RALYL: variants seen among roughly 807,000 people sequenced by gnomAD.
The protein encoded by RALYL is RALY RNA binding protein like.
RALYL carries 29 observed loss-of-function variants against 35.1 expected under a neutral mutation model. That is an observed-to-expected ratio of 0.83 (90% CI 0.61 to 1.13). The LOEUF (loss-of-function observed/expected upper bound fraction) is 1.13, where lower values mean the gene tolerates loss of function less well. Ranked by LOEUF, RALYL falls within the 50% of genes most tolerant of loss-of-function variation. The pLI is 0.00. For missense variants in RALYL, 359 were observed against 360.4 expected, an observed-to-expected ratio of 1.00 and a Z score of 0.03; for synonymous variants, 120 against 127.6, an observed-to-expected ratio of 0.94 and a Z score of 0.40.
intron 1 of RALYL, among the ~76,000 whole-genome samples, chr8:84,527,842 C>T (rs1378543793): frequency 1.3e-5 from 2 of 151,992 alleles, no homozygotes; most frequent in African/African-American, 2.4e-5. Flanking sequence ...ATGTAAATAA[C>T]TGAATGTATT....
intron 2 of RALYL, among the ~76,000 whole-genome samples, chr8:84,656,599 C>T (rs992357616): frequency 4.6e-5 from 7 of 152,004 alleles, no homozygotes; most frequent in Admixed American, 1.3e-4. Context: ...GTGTTAAGTG[C>T]CTTTATTTGT....
chr8:84,524,402 T>A (rs568052827), intron 1 of RALYL, among the ~76,000 whole-genome samples: 153 of 152,288 alleles, frequency 1.0e-3, no homozygotes, highest in African/African-American at 3.3e-3. Flanking sequence ...CACAAAGAGA[T>A]ACCATCTCAC....
intron 1 of RALYL, among the ~76,000 whole-genome samples, chr8:84,434,178 T>C (rs2047453085): frequency 6.6e-6 from 1 of 152,188 alleles, no homozygotes; most frequent in South Asian, 2.1e-4. Context: ...TCACATGGCC[T>C]TCCCTTTGTG....
At chr8:84,556,671 C>G (rs1302823595) in intron 2 of RALYL, among the ~76,000 whole-genome samples, 1 of 152,124 alleles carries the variant, frequency 6.6e-6, no homozygotes, top group East Asian at 1.9e-4. Context: ...ATGAAACTTG[C>G]TTTGGCTAAT....
rs774238460 is a variant in RALYL, at chr8:84,873,279, TC to T, written c.572-3del. 50 of 1,510,012 alleles carry T rather than the reference TC, an allele frequency of 3.3e-5. 1 individual carries two copies. In the South Asian group the frequency reaches 3.9e-4, roughly 12 times the overall value. The allele number at this position is 1,510,012 out of a possible 1,614,324, so 93.5% of individuals were successfully genotyped here. ...GTTGTTTTCTTCCTTCTTTCTACTT[TC>T]CAGTGAAATCAGATGAGTTACAGAC... is the stretch of plus-strand genomic sequence containing the variant. On this transcript the variant is annotated splice_region_variant and splice_polypyrimidine_tract_variant and intron_variant, in intron 6 of 8. Transcript: ENST00000521268.
intron 2 of RALYL, among the ~76,000 whole-genome samples, chr8:84,549,124 TA>T (rs2060551367): frequency 6.6e-6 from 1 of 151,980 alleles, no homozygotes; most frequent in African/African-American, 2.4e-5. Flanking sequence ...CAGATACAGC[TA>T]TGCTATGTAG....
intron 2 of RALYL, among the ~76,000 whole-genome samples, chr8:84,588,478 T>C (rs991298424): frequency 9.9e-5 from 15 of 152,212 alleles, no homozygotes; most frequent in African/African-American, 3.6e-4. Context: ...GTACTATTTA[T>C]GTGAGGTGTG....
intron 3 of RALYL, among the ~76,000 whole-genome samples, chr8:84,780,951 C>T (rs1818010134): frequency 6.6e-6 from 1 of 152,148 alleles, no homozygotes; most frequent in African/African-American, 2.4e-5. Context: ...CTCCGCCTCC[C>T]AGGTTCGAGT....
intron 1 of RALYL, among the ~76,000 whole-genome samples, chr8:84,463,317 C>T (rs775467262): frequency 1.3e-4 from 20 of 152,052 alleles, no homozygotes; most frequent in Non-Finnish European, 2.4e-4. Context: ...CTGTATTAAG[C>T]TTTAAATCAC....
intron 1 of RALYL, among the ~76,000 whole-genome samples, chr8:84,231,613 T>G (rs1318007413): frequency 6.6e-6 from 1 of 152,156 alleles, no homozygotes; most frequent in Non-Finnish European, 1.5e-5. Context: ...ACTTTTTCTG[T>G]TTTTAAAACA....
chr8:84,764,024 A>G (rs1281964530), intron 2 of RALYL, among the ~76,000 whole-genome samples: 2 of 152,202 alleles, frequency 1.3e-5, no homozygotes, highest in African/African-American at 2.4e-5. Flanking sequence ...ACAGATCTCT[A>G]TGACTCAACT....
rs751290099 is a variant in RALYL at position 84,529,591 on chromosome 8, A to T, written c.256+14A>T. ...GCCAACCACTTGGTAAGTCATGCTC[A>T]GACATGGATCTCACGTTATTGTTCA... is the stretch of plus-strand genomic sequence containing the variant. On this transcript the variant is annotated intron_variant, in intron 2 of 8. Transcript: ENST00000521268. The T allele has an allele frequency of 6.2e-7, 1 of 1,600,006 alleles. No homozygotes were observed. Among genetic ancestry groups the T allele is most frequent in the East Asian group, 2.2e-5 (1 of 44,526 alleles).
chr8:84,810,591 G>A (rs1015571793), intron 4 of RALYL, among the ~76,000 whole-genome samples: 2 of 152,106 alleles, frequency 1.3e-5, no homozygotes, highest in African/African-American at 4.8e-5. Flanking sequence ...GAGTATTGAA[G>A]TTCCCCACTA....
chr8:84,667,197 T>C (rs1229928094), intron 2 of RALYL, among the ~76,000 whole-genome samples: 3 of 152,054 alleles, frequency 2.0e-5, no homozygotes, highest in Admixed American at 2.0e-4. Flanking sequence ...TCTCCTTGCC[T>C]CTTGTATTTC....
intron 1 of RALYL, among the ~76,000 whole-genome samples, chr8:84,403,930 T>G (rs1306643377): frequency 1.3e-5 from 2 of 152,154 alleles, no homozygotes; most frequent in Non-Finnish European, 2.9e-5. Flanking sequence ...TATTTTATTC[T>G]CTTTGTAGCA....
chr8:84,513,556 A>C (rs916485025), intron 1 of RALYL, among the ~76,000 whole-genome samples: 17 of 152,194 alleles, frequency 1.1e-4, no homozygotes, highest in African/African-American at 4.1e-4. Context: ...CACCTTGATT[A>C]AGGACTCCAA....
intron 2 of RALYL, among the ~76,000 whole-genome samples, chr8:84,590,084 T>G (rs1812901613): frequency 6.6e-6 from 1 of 152,210 alleles, no homozygotes; most frequent in South Asian, 2.1e-4. Context: ...ATCTTCCTAA[T>G]TCATTTCTTT....
intron 4 of RALYL, among the ~76,000 whole-genome samples, chr8:84,809,283 T>G (rs1304659253): frequency 6.6e-6 from 1 of 152,220 alleles, no homozygotes; most frequent in Non-Finnish European, 1.5e-5. Context: ...GTATATCACA[T>G]TTATTGACTT....
intron 2 of RALYL, among the ~76,000 whole-genome samples, chr8:84,615,140 T>A (rs1317087056): frequency 6.6e-6 from 1 of 151,834 alleles, no homozygotes; most frequent in African/African-American, 2.4e-5. Context: ...AGTTGCACTT[T>A]AAGATATTTG....
Sources: gnomAD v4.1 joint callset for allele counts (sites outside exome capture counted in the v4.1 genomes callset) on GRCh38, gnomAD v4.1.1 for gene constraint, MANE v1.5 for transcripts, NCBI Gene and HGNC (gene_info 2026-07-23, HGNC 2026-07-21) for gene names.